PPP2R2A: variants seen among roughly 807,000 people sequenced by gnomAD.
PPP2R2A encodes serine/threonine-protein phosphatase 2A 55 kDa regulatory subunit B alpha isoform.
A neutral mutation model predicts 53.2 loss-of-function variants in PPP2R2A; 9 were observed. The observed-to-expected ratio is 0.17, with a 90% CI of 0.10 to 0.30. The LOEUF is 0.30. Among genes scored for constraint, PPP2R2A ranks in the 10% least tolerant of loss-of-function variants. The pLI, the probability that PPP2R2A is intolerant of heterozygous loss-of-function variation, is 1.00. For synonymous variants in PPP2R2A, 169 were observed against 174.2 expected (o/e 0.97, Z 0.23); for missense variants, 235 against 534.6 (o/e 0.44, Z 5.53).
chr8:26,335,785 A>G (rs1400355802), intron 2 of PPP2R2A, among the ~76,000 whole-genome samples: 1 of 152,146 alleles, frequency 6.6e-6, no homozygotes, highest in Non-Finnish European at 1.5e-5. Flanking sequence ...AGTTGTTTCT[A>G]GGATTCCTCA....
At chr8:26,302,396 A>G (rs1175032685) in intron 2 of PPP2R2A, among the ~76,000 whole-genome samples, 5 of 152,248 alleles carry the variant, frequency 3.3e-5, no homozygotes, top group Admixed American at 2.0e-4. Flanking sequence ...TTTTGATACT[A>G]TGTAATGTGT....
Position 26,370,685 on chromosome 8 carries a change from G to A in PPP2R2A, c.*272G>A, listed in dbSNP as rs1324028540. Reference sequence around the variant, plus strand: ...CCATCTTGCCTAATGGACTAGATTGGACTGTATCAACATTGATTTACTCCA... The same window carrying A: ...CCATCTTGCCTAATGGACTAGATTGAACTGTATCAACATTGATTTACTCCA... On this transcript the variant is annotated 3_prime_UTR_variant, in exon 10 of 10. Coordinates refer to ENST00000380737, the MANE Select transcript of PPP2R2A (RefSeq NM_002717.4). This position sits in a 1 kb window ranked among gnomAD's most constrained non-coding sequence, Gnocchi z 6.1. 2.1e-6 allele frequency: 1 copy of A among 467,378 alleles called. No individual in the cohort carries two copies. Among genetic ancestry groups the A allele is most frequent in the Non-Finnish European group, 3.9e-6 (1 of 255,034 alleles). The allele number at this position is 467,378 out of a possible 1,614,324, so 29.0% of individuals were successfully genotyped here. A position where few individuals can be genotyped will look rare whatever the true frequency, so the allele number is the denominator to read the frequency against.
chr8:26,369,903 G>C (rs553087193), intron 9 of PPP2R2A, among the ~76,000 whole-genome samples: 1 of 152,276 alleles, frequency 6.6e-6, no homozygotes, highest in Non-Finnish European at 1.5e-5. Context: ...TGAGGATGCT[G>C]TCAACTTTGC....
At chr8:26,304,016 C>G (rs1248155560) in intron 2 of PPP2R2A, among the ~76,000 whole-genome samples, 3 of 152,186 alleles carry the variant, frequency 2.0e-5, no homozygotes, top group Non-Finnish European at 4.4e-5. Flanking sequence ...TTTTCCAGTT[C>G]ACAGGGTCTG....
intron 2 of PPP2R2A, among the ~76,000 whole-genome samples, chr8:26,309,478 A>G (rs1229680929): frequency 6.6e-6 from 1 of 152,132 alleles, no homozygotes; most frequent in Non-Finnish European, 1.5e-5. Context: ...CCTCAACTTA[A>G]AGTCACCCAG....
chr8:26,327,603 G>T (rs939471485), intron 2 of PPP2R2A, among the ~76,000 whole-genome samples: 1 of 152,158 alleles, frequency 6.6e-6, no homozygotes, highest in Non-Finnish European at 1.5e-5. Flanking sequence ...TCCCTCTAGA[G>T]GCCAGCAGTG....
chr8:26,342,126 A>G (rs181692979), intron 3 of PPP2R2A, among the ~76,000 whole-genome samples: 18 of 152,208 alleles, frequency 1.2e-4, no homozygotes, highest in Non-Finnish European at 1.9e-4. Flanking sequence ...TTGTATAGGT[A>G]TTCTGCTACA....
Position 26,328,658 on chromosome 8 carries a change from C to T in PPP2R2A, c.83-10232C>T, listed in dbSNP as rs866372913. The stretch of plus-strand genomic sequence containing the variant: ...TGTACTTTGTAACATTTTAAAAACT[C>T]GGTGATACATCGTAGACCATATTCT... On this transcript the variant is annotated intron_variant, in intron 2 of 9. Coordinates refer to ENST00000380737, the MANE Select transcript of PPP2R2A (RefSeq NM_002717.4). Among the ~76,000 whole-genome samples the T allele has an allele frequency of 2.6e-5, 4 of 152,220 alleles. No homozygotes were observed. The South Asian group carries it at 6.2e-4, about 24-fold the overall frequency.
chr8:26,296,393 A>G (rs1016846543), intron 2 of PPP2R2A, among the ~76,000 whole-genome samples: 2 of 152,144 alleles, frequency 1.3e-5, no homozygotes, highest in Admixed American at 6.5e-5. Context: ...AAGGCGTTCT[A>G]TGCTCTCTCA....
chr8:26,345,901 GCT>G (rs779980035), intron 3 of PPP2R2A, among the ~76,000 whole-genome samples: 1 of 152,102 alleles, frequency 6.6e-6, no homozygotes, highest in African/African-American at 2.4e-5. Flanking sequence ...GACGGCATCA[GCT>G]CTTTTTCTCA....
At chr8:26,293,911 TTTG>T (rs1205658124) in intron 2 of PPP2R2A, 171 bp downstream of exon 2, 3 of 629,166 alleles carry the variant, frequency 4.8e-6, no homozygotes, top group Admixed American at 6.1e-5. Flanking sequence ...TTAAATTTCA[TTTG>T]TTATTTACGC....
intron 4 of PPP2R2A, among the ~76,000 whole-genome samples, chr8:26,355,451 T>C (rs4338109): frequency 0.96 from 146,547 of 152,202 alleles, 70,593 homozygotes; most frequent in East Asian, 1. Context: ...CCTATGTTGC[T>C]CAGGCTGGTC....
chr8:26,340,368 C>A (rs1024983867), intron 3 of PPP2R2A, among the ~76,000 whole-genome samples: 1 of 151,952 alleles, frequency 6.6e-6, no homozygotes, highest in African/African-American at 2.4e-5. Flanking sequence ...TGCTAGATAA[C>A]CAAAATGTGA....
In PPP2R2A at chr8:26,372,272, C is replaced by A. The variant is rs1192233998; in HGVS notation, c.*1859C>A. 1.3e-5 allele frequency: 2 copies of A among 152,136 alleles called. No individual in the cohort carries two copies. The highest frequency in any genetic ancestry group is 1.5e-5 in the Non-Finnish European group (1 of 68,012). 9.4% of individuals were successfully genotyped at this position (152,136 alleles called of 1,614,324 possible). On this transcript the variant is annotated 3_prime_UTR_variant, in exon 10 of 10. Coordinates refer to ENST00000380737, the MANE Select transcript of PPP2R2A (RefSeq NM_002717.4). ...GGTACATTCTTAATTTGTGTTTATT[C>A]TTCACGCTTGACTTGCAAGTGGGAT...
rs1262109079 is a variant in PPP2R2A at position 26,363,800 on chromosome 8, C to T, written c.882C>T (p.Ser294=). The change falls in exon 8 of 10, where the codon AGC becomes AGT. Residue 294 remains serine (S), a synonymous_variant. Transcript: ENST00000380737. ...IISSISDVKF[S]HSGRYMMTRD... ...CCTCTATTTCGGATGTAAAATTCAG[C>T]CATAGTGGTCGATATATGATGACTA... 6.2e-7 allele frequency: 1 copy of T among 1,608,806 alleles called. No individual in the cohort carries two copies. Among genetic ancestry groups the T allele is most frequent in the East Asian group, 2.2e-5 (1 of 44,714 alleles).
rs542931298 is a variant in PPP2R2A at position 26,362,600 on chromosome 8, A to G, written c.638-84A>G. 11 of 1,324,510 alleles carry G rather than the reference A, an allele frequency of 8.3e-6. No individual in the cohort carries two copies. In the Admixed American group the frequency reaches 2.0e-4, roughly 24 times the overall value. 82.0% of individuals were successfully genotyped at this position (1,324,510 alleles called of 1,614,324 possible). A position where few individuals can be genotyped will look rare whatever the true frequency, so the allele number is the denominator to read the frequency against. ...AGAATTAATATTTTTGCTTAGGTCC[A>G]TGAATGGGTTTTAGGTTTGAGAAAT... On this transcript the variant is annotated intron_variant, in intron 6 of 9. Coordinates refer to ENST00000380737, the MANE Select transcript of PPP2R2A (RefSeq NM_002717.4). The surrounding 1 kb of genome is among the most constrained non-coding windows in gnomAD (Gnocchi z 4.4).
At chr8:26,297,114 T>TGG (rs1348616325) in intron 2 of PPP2R2A, among the ~76,000 whole-genome samples, 1 of 151,798 alleles carries the variant, frequency 6.6e-6, no homozygotes, top group Non-Finnish European at 1.5e-5. Context: ...CAAATTCTTT[T>TGG]GGTGTGTGTG....
intron 1 of PPP2R2A, chr8:26,293,136 TG>T: frequency 8.6e-7 from 1 of 1,163,756 alleles, no homozygotes; most frequent in Non-Finnish European, 1.2e-6. Context: ...CCTCTCTGTC[TG>T]GAGCCAGTGA....
intron 2 of PPP2R2A, among the ~76,000 whole-genome samples, chr8:26,335,756 G>A (rs375773763): frequency 5.3e-5 from 8 of 152,260 alleles, no homozygotes; most frequent in African/African-American, 1.4e-4. Flanking sequence ...CTGATATCCA[G>A]CCACTTGCTG....
Sources: allele counts gnomAD v4.1 joint callset (sites outside exome capture counted in the v4.1 genomes callset), GRCh38; gene constraint gnomAD v4.1.1; non-coding constraint Gnocchi (gnomAD v3.1); transcripts MANE v1.5; gene names NCBI Gene and HGNC (gene_info 2026-07-23, HGNC 2026-07-21).